The following CCNY variants were observed in gnomAD, a reference collection of about 807,000 sequenced individuals.
The protein encoded by CCNY is cyclin-Y.
A neutral mutation model predicts 42.8 loss-of-function variants in CCNY; 19 were observed. The ratio of observed to expected loss-of-function variants is 0.44; its 90% CI spans 0.31 to 0.65. The LOEUF (loss-of-function observed/expected upper bound fraction) is 0.65. CCNY is among the 30% of genes least tolerant of loss of function. CCNY has a pLI of 0.07. For missense variants in CCNY, 370 were observed against 437.3 expected (o/e 0.85, Z 1.37); for synonymous variants, 165 against 162.7 (o/e 1.01, Z -0.11).
intron 2 of CCNY, among the ~76,000 whole-genome samples, chr10:35,496,152 C>A (rs1356878306): frequency 6.6e-6 from 1 of 152,214 alleles, no homozygotes; most frequent in Non-Finnish European, 1.5e-5. Flanking sequence ...TTAGTTGAAG[C>A]CTGCCTCTTG....
intron 3 of CCNY, among the ~76,000 whole-genome samples, chr10:35,511,428 C>G (rs1181217336): frequency 6.6e-6 from 1 of 152,106 alleles, no homozygotes; most frequent in Non-Finnish European, 1.5e-5. Context: ...AGGAAGGCAT[C>G]TAGAGGAAGC....
At chr10:35,314,184 CATATT>C (rs1211237864) in intron 3 of CCNY, among the ~76,000 whole-genome samples, 1 of 152,052 alleles carries the variant, frequency 6.6e-6, no homozygotes, top group East Asian at 1.9e-4. Flanking sequence ...AGATCACACT[CATATT>C]AGTCTGTTCT....
chr10:35,561,388 A>G (rs756471661), intron 8 of CCNY, among the ~76,000 whole-genome samples: 53 of 152,200 alleles, frequency 3.5e-4, no homozygotes, highest in Non-Finnish European at 6.8e-4. Context: ...TTTTTATTAT[A>G]TAGAACTTCC....
intron 3 of CCNY, among the ~76,000 whole-genome samples, chr10:35,503,716 G>A (rs977383045): frequency 3.3e-5 from 5 of 152,146 alleles, no homozygotes; most frequent in Non-Finnish European, 5.9e-5. Flanking sequence ...TGCTAGGTAG[G>A]CACAATTCAG....
intron 8 of CCNY, among the ~76,000 whole-genome samples, chr10:35,565,245 C>G (rs1350108258): frequency 6.6e-6 from 1 of 152,200 alleles, no homozygotes; most frequent in African/African-American, 2.4e-5. Context: ...CTCTCCCAAC[C>G]TACCTTTTTA....
chr10:35,266,917 C>T (rs145558455), intron 3 of CCNY, among the ~76,000 whole-genome samples: 1 of 149,038 alleles, frequency 6.7e-6, no homozygotes, highest in Non-Finnish European at 1.5e-5. Flanking sequence ...AACCCTGTCT[C>T]TACTAAAAAT....
At chr10:35,508,694 T>C (rs1840262690) in intron 3 of CCNY, among the ~76,000 whole-genome samples, 1 of 152,232 alleles carries the variant, frequency 6.6e-6, no homozygotes, top group Non-Finnish European at 1.5e-5. Context: ...GGTTTTTTCT[T>C]GACCTTGGCC....
intron 1 of CCNY, among the ~76,000 whole-genome samples, chr10:35,403,543 G>A (rs1291660264): frequency 6.6e-6 from 1 of 152,208 alleles, no homozygotes; most frequent in Non-Finnish European, 1.5e-5. Flanking sequence ...GGTCCTTGCA[G>A]TGTATGACTC....
intron 3 of CCNY, among the ~76,000 whole-genome samples, chr10:35,327,369 T>C (rs1474826480): frequency 6.6e-6 from 1 of 152,222 alleles, no homozygotes; most frequent in African/African-American, 2.4e-5. Context: ...AATTCCATTG[T>C]AGTCCACTGT....
intron 3 of CCNY, among the ~76,000 whole-genome samples, chr10:35,309,255 A>T (rs1318847829): frequency 6.6e-6 from 1 of 152,180 alleles, no homozygotes; most frequent in Non-Finnish European, 1.5e-5. Context: ...TGTCTCAAGG[A>T]AGAATGGCCC....
At chr10:35,344,306 G>A (rs1589047952) in intron 1 of CCNY, among the ~76,000 whole-genome samples, 1 of 152,204 alleles carries the variant, frequency 6.6e-6, no homozygotes, top group Non-Finnish European at 1.5e-5. Flanking sequence ...GGGAAGACCC[G>A]CATTCCAGAT....
chr10:35,400,296 G>T lies in CCNY; in HGVS notation c.154+63089G>T, dbSNP rs922776080. Among the ~76,000 whole-genome samples the T allele has an allele frequency of 2.9e-5, 4 of 139,692 alleles. No individual in the cohort carries two copies. In the East Asian group the frequency reaches 7.6e-4, roughly 27 times the overall value. 91.6% of individuals were successfully genotyped at this position (139,692 alleles called of 152,430 possible). On this transcript the variant is annotated intron_variant, in intron 1 of 9. Coordinates refer to ENST00000374704, the MANE Select transcript of CCNY (RefSeq NM_145012.6). ...GGGGCGGCGGGGGTGGTGGGGTGGG[G>T]TTGTTTCCCCTCTTGGAGAGGAAGC...
chr10:35,299,818 TG>T (rs1263056892), intron 3 of CCNY, among the ~76,000 whole-genome samples: 6 of 152,248 alleles, frequency 3.9e-5, no homozygotes, highest in Non-Finnish European at 8.8e-5. Flanking sequence ...TTATACCATA[TG>T]TTTTTATTTT....
At chr10:35,287,985 G>C (rs567129889) in intron 3 of CCNY, among the ~76,000 whole-genome samples, 1 of 152,228 alleles carries the variant, frequency 6.6e-6, no homozygotes, top group Non-Finnish European at 1.5e-5. Context: ...CTAGGAGAGG[G>C]ATTCCTAGGC....
chr10:35,442,044 T>C (rs1838681358), intron 1 of CCNY, among the ~76,000 whole-genome samples: 1 of 152,248 alleles, frequency 6.6e-6, no homozygotes, highest in South Asian at 2.1e-4. Context: ...AGATTCATTG[T>C]TGCATTTTAA....
chr10:35,368,857 G>A (rs566987929), intron 1 of CCNY, among the ~76,000 whole-genome samples: 36 of 152,292 alleles, frequency 2.4e-4, no homozygotes, highest in East Asian at 5.8e-4. Flanking sequence ...ACCGGTGCTC[G>A]GAGGTACCAG....
At chr10:35,326,567 T>C (rs562264800) in intron 3 of CCNY, among the ~76,000 whole-genome samples, 2 of 152,292 alleles carry the variant, frequency 1.3e-5, no homozygotes, top group South Asian at 2.1e-4. Flanking sequence ...TCTGTACAGA[T>C]TGCTGAGTTT....
At position 35,530,573 on chromosome 10, in the gene CCNY, A is replaced by G. The variant is rs1457867726; in HGVS notation, c.579+330A>G. 5.9e-5 allele frequency among the ~76,000 whole-genome samples: 9 copies of G among 152,222 alleles called. No homozygotes were observed. The highest frequency in any genetic ancestry group is 9.7e-5 in the African/African-American group (4 of 41,446). On this transcript the variant is annotated intron_variant, in intron 7 of 9. Coordinates refer to ENST00000374704, the MANE Select transcript of CCNY (RefSeq NM_145012.6). The surrounding 1 kb of genome is among the most constrained non-coding windows in gnomAD (Gnocchi z 4.3). ...GCCAAGGTACTCCCTGTATACGTCT[A>G]GGTTTCCTGGTGTTGATTCCCTACA...
intron 1 of CCNY, among the ~76,000 whole-genome samples, chr10:35,406,237 A>ATTTATTTATTTT (rs1554785140): frequency 1.5e-4 from 14 of 96,064 alleles, no homozygotes; most frequent in Admixed American, 2.0e-4. Context: ...TTATTTATTT[A>ATTTATTTATTTT]TTTATTTTTT....
Sources: allele counts gnomAD v4.1 joint callset (sites outside exome capture counted in the v4.1 genomes callset), GRCh38; gene constraint gnomAD v4.1.1; non-coding constraint Gnocchi (gnomAD v3.1); transcripts MANE v1.5; gene names NCBI Gene and HGNC (gene_info 2026-07-23, HGNC 2026-07-21).